LPP: variants seen among roughly 807,000 people sequenced by gnomAD.
LPP encodes the protein LIM domain containing preferred translocation partner in lipoma.
A neutral mutation model predicts 60.4 loss-of-function variants in LPP; 38 were observed. That is an observed-to-expected ratio of 0.63 (90% CI 0.49 to 0.83). LPP has a LOEUF of 0.83. Ranked by LOEUF, LPP falls within the 40% of genes least tolerant of loss-of-function variation. The probability of loss-of-function intolerance (pLI) is 0.00; values close to 1 mark genes in which losing one functional copy is unlikely to be tolerated. For synonymous variants in LPP, 328 were observed against 290.8 expected, an observed-to-expected ratio of 1.13 and a Z score of -1.30; for missense variants, 902 against 783.6, an observed-to-expected ratio of 1.15 and a Z score of -1.80.
chr3:188,881,266 G>A lies in LPP; in HGVS notation c.*6787G>A, dbSNP rs17205285. ...CCAGTATGTAGTTGCGCTCACATAC[G>A]TCTATTCTAGCTCTGTAGCTCCACA... On this transcript the variant is annotated 3_prime_UTR_variant, in exon 12 of 12. Coordinates refer to ENST00000617246, the MANE Select transcript of LPP (RefSeq NM_001375462.1). 24,799 of 187,290 alleles carry A rather than the reference G, an allele frequency of 0.13. 2,190 individuals carry two copies. The highest frequency in any genetic ancestry group is 0.24 in the Middle Eastern group (120 of 500). The allele number at this position is 187,290 out of a possible 1,614,324, so 11.6% of individuals were successfully genotyped here.
intron 3 of LPP, among the ~76,000 whole-genome samples, chr3:188,364,139 C>A (rs1770399754): frequency 6.6e-6 from 1 of 152,140 alleles, no homozygotes; most frequent in Admixed American, 6.5e-5. Context: ...TTTGGGGATT[C>A]AGAGTTATTA....
chr3:188,242,247 T>A (rs1297310440), intron 2 of LPP, among the ~76,000 whole-genome samples: 1 of 152,160 alleles, frequency 6.6e-6, no homozygotes, highest in Non-Finnish European at 1.5e-5. Context: ...TCTACTGGGT[T>A]TGTTCAACCT....
At chr3:188,203,078 ATAAT>A (rs1006941148) in intron 1 of LPP, among the ~76,000 whole-genome samples, 46 of 143,836 alleles carry the variant, frequency 3.2e-4, no homozygotes, top group African/African-American at 1.1e-3. Context: ...TAATTATATA[ATAAT>A]TAAATTATAG....
intron 6 of LPP, among the ~76,000 whole-genome samples, chr3:188,527,348 GAAAAAAA>G (rs57075465): frequency 2.7e-5 from 2 of 73,680 alleles, no homozygotes; most frequent in Admixed American, 1.7e-4. Flanking sequence ...GACTCCATCT[GAAAAAAA>G]AAAAAAAAAA....
rs373309835 is a variant in LPP, at chr3:188,506,531, T to TA, written c.307-18130dup. ...ACATGGGAGACTTGTAGAAATTATT[T>TA]AAAATCACAAATCGTAGAGCACCAG... On this transcript the variant is annotated intron_variant, in intron 5 of 11. Coordinates refer to ENST00000617246, the MANE Select transcript of LPP (RefSeq NM_001375462.1). Among the ~76,000 whole-genome samples the TA allele has an allele frequency of 2.1e-3, 314 of 152,316 alleles. 1 individual carries two copies. The highest frequency in any genetic ancestry group is 7.3e-3 in the African/African-American group (304 of 41,578).
intron 2 of LPP, among the ~76,000 whole-genome samples, chr3:188,292,337 A>G (rs1394044186): frequency 1.3e-5 from 2 of 152,234 alleles, no homozygotes; most frequent in Non-Finnish European, 2.9e-5. Context: ...TAAGCATATC[A>G]ATTATTTTTG....
rs1262390205 is a variant in LPP, at chr3:188,524,945, TTC to T, written c.429+159_429+160del. On this transcript the variant is annotated intron_variant, in intron 6 of 11. Coordinates refer to ENST00000617246, the MANE Select transcript of LPP (RefSeq NM_001375462.1). ...CTTCCTTCCTTCCTTCCTTCCTTCC[TTC>T]CTCTCTCTCTCTTCTTTCTTTCTCT... Among the ~76,000 whole-genome samples the T allele has an allele frequency of 2.3e-3, 246 of 108,200 alleles. 2 individuals are homozygous for T. Among genetic ancestry groups the T allele is most frequent in the African/African-American group, 7.9e-3 (245 of 31,122 alleles). 71.0% of individuals were successfully genotyped at this position (108,200 alleles called of 152,430 possible). A position where few individuals can be genotyped will look rare whatever the true frequency, so the allele number is the denominator to read the frequency against.
At position 188,320,410 on chromosome 3, in the gene LPP, G is replaced by A. The variant is rs556831503; in HGVS notation, c.-66-21253G>A. ...CAGTCTCAACTCTGGGGTCCCCTCA[G>A]TGGTGAGCTCAGTCACAGTGCTGCT... On this transcript the variant is annotated intron_variant, in intron 2 of 11. Coordinates refer to ENST00000617246, the MANE Select transcript of LPP (RefSeq NM_001375462.1). Among the ~76,000 whole-genome samples, 5 of 152,330 alleles carry A rather than the reference G, an allele frequency of 3.3e-5. 1 individual carries two copies. The South Asian group carries it at 1.0e-3, about 32-fold the overall frequency.
At chr3:188,826,949 C>T (rs1476791165) in intron 9 of LPP, among the ~76,000 whole-genome samples, 2 of 152,016 alleles carry the variant, frequency 1.3e-5, no homozygotes, top group African/African-American at 2.4e-5. Flanking sequence ...AGGGTAGTTC[C>T]TCCCACACTG....
chr3:188,246,911 A>G (rs1727165216), intron 2 of LPP, among the ~76,000 whole-genome samples: 3 of 152,204 alleles, frequency 2.0e-5, no homozygotes, highest in African/African-American at 7.2e-5. Flanking sequence ...ACCAGAAATG[A>G]TGGGATTTCA....
chr3:188,359,605 C>T (rs1173074072), intron 3 of LPP, among the ~76,000 whole-genome samples: 1 of 152,128 alleles, frequency 6.6e-6, no homozygotes, highest in African/African-American at 2.4e-5. Flanking sequence ...TGTCAAATTC[C>T]CTTCCTTAAT....
At chr3:188,207,435 T>C (rs1429830526) in intron 1 of LPP, among the ~76,000 whole-genome samples, 3 of 151,918 alleles carry the variant, frequency 2.0e-5, no homozygotes, top group African/African-American at 7.3e-5. Context: ...TTTCACCAGG[T>C]TGGCCATGCT....
chr3:188,722,245 G>A (rs1716720566), intron 8 of LPP, among the ~76,000 whole-genome samples: 1 of 152,172 alleles, frequency 6.6e-6, no homozygotes, highest in Non-Finnish European at 1.5e-5. Context: ...GGGTACACTA[G>A]CAGCGTCACT....
chr3:188,544,145 C>G (rs946724417), intron 6 of LPP, among the ~76,000 whole-genome samples: 1 of 152,166 alleles, frequency 6.6e-6, no homozygotes. Flanking sequence ...ATATAGAGGG[C>G]CTTACTCAGG....
intron 6 of LPP, among the ~76,000 whole-genome samples, chr3:188,605,665 A>G (rs980336753): frequency 6.6e-6 from 1 of 152,196 alleles, no homozygotes; most frequent in African/African-American, 2.4e-5. Flanking sequence ...CTGGTGTCAA[A>G]TAAAGGGAAT....
In LPP at chr3:188,862,734, AATAAAAG is replaced by A. The variant is rs1765538924; in HGVS notation, c.1411-3464_1411-3458del. Among the ~76,000 whole-genome samples the A allele has an allele frequency of 2.1e-5, 3 of 142,774 alleles. 1 individual carries two copies. Among genetic ancestry groups the A allele is most frequent in the African/African-American group, 7.9e-5 (3 of 37,834 alleles). 93.7% of individuals were successfully genotyped at this position (142,774 alleles called of 152,430 possible). On this transcript the variant is annotated intron_variant, in intron 9 of 11. Coordinates refer to ENST00000617246, the MANE Select transcript of LPP (RefSeq NM_001375462.1). ...AGACAAAAAAATAAATAAATAAATA[AATAAAAG>A]AAAAAAGAAAAGAAAGAAAGAAAAA...
chr3:188,559,693 T>C (rs114544391), intron 6 of LPP, among the ~76,000 whole-genome samples: 2 of 152,216 alleles, frequency 1.3e-5, no homozygotes, highest in Non-Finnish European at 2.9e-5. Context: ...TATTTATATT[T>C]ATACATATTT....
chr3:188,569,157 AAAT>A (rs142373873), intron 6 of LPP: 143,523 of 150,348 alleles, frequency 0.95, 68,788 homozygotes, highest in East Asian at 1. Flanking sequence ...GAAAACAGCC[AAAT>A]AATAATAATA....
intron 2 of LPP, among the ~76,000 whole-genome samples, chr3:188,259,772 G>A (rs549918132): frequency 6.6e-6 from 1 of 152,246 alleles, no homozygotes; most frequent in African/African-American, 2.4e-5. Flanking sequence ...TGAACATTTG[G>A]AGAGGACTAC....
Sources: gnomAD v4.1 joint callset for allele counts (sites outside exome capture counted in the v4.1 genomes callset) on GRCh38, gnomAD v4.1.1 for gene constraint, MANE v1.5 for transcripts, NCBI Gene and HGNC (gene_info 2026-07-23, HGNC 2026-07-21) for gene names.